The following SUFU variants were observed in gnomAD, a reference collection of about 807,000 sequenced individuals.
SUFU encodes suppressor of fused homolog.
SUFU carries 7 observed loss-of-function variants against 58.9 expected under a neutral mutation model. The observed-to-expected ratio is 0.12, with a 90% confidence interval of 0.07 to 0.22. SUFU has a LOEUF of 0.22. Among genes scored for constraint, SUFU ranks in the 10% least tolerant of loss-of-function variants. SUFU has a pLI of 1.00. For missense variants in SUFU, 451 were observed against 641.3 expected, an observed-to-expected ratio of 0.70 and a Z score of 3.20; for synonymous variants, 232 against 254.8, an observed-to-expected ratio of 0.91 and a Z score of 0.85.
At chr10:102,531,424 G>C (rs892243053) in intron 2 of SUFU, among the ~76,000 whole-genome samples, 2 of 152,178 alleles carry the variant, frequency 1.3e-5, no homozygotes, top group East Asian at 3.8e-4. Flanking sequence ...CCCAGCCTTT[G>C]TAGTCCCAAC....
intron 2 of SUFU, among the ~76,000 whole-genome samples, chr10:102,537,169 G>A (rs2062750220): frequency 8.9e-6 from 1 of 112,678 alleles, no homozygotes; most frequent in Admixed American, 1.2e-4. Flanking sequence ...GTCTTGCTCT[G>A]TCACTCAGGC....
Position 102,630,145 on chromosome 10 carries a change from C to T in SUFU, c.1445C>T (p.Pro482Leu), listed in dbSNP as rs765358771. ...CTGCCTGACGTGGTGTTCGACAGTC[C>T]GCTACACTAGCCTGGGCTGGGCCCT... The part of the protein sequence containing the change: ...SILPDVVFDS[P>L]LH Residue 482 changes from proline to leucine, a missense_variant, in exon 12 of 12, where the codon CCG (proline) becomes CTG (leucine). Physicochemically the swap from Pro to Leu is moderately conservative, Grantham distance 98. Coordinates refer to ENST00000369902, the MANE Select transcript of SUFU (RefSeq NM_016169.4). 162 of 1,614,122 alleles carry T rather than the reference C, an allele frequency of 1.0e-4. No homozygotes were observed. Among genetic ancestry groups the T allele is most frequent in the East Asian group, 8.5e-4 (38 of 44,876 alleles).
chr10:102,599,606 C>A, intron 8 of SUFU, 62 bp downstream of exon 8: 1 of 1,379,866 alleles, frequency 7.2e-7, no homozygotes, highest in South Asian at 1.2e-5. Context: ...AGGGCCTGTC[C>A]CTGTGGATTG....
intron 8 of SUFU, among the ~76,000 whole-genome samples, chr10:102,601,204 T>TATC (rs2063512396): frequency 6.6e-6 from 1 of 152,174 alleles, no homozygotes. Context: ...CCCGCTTGTG[T>TATC]ATCTGGAACA....
In SUFU at chr10:102,615,252, T is replaced by C. The variant is rs762717407; in HGVS notation, c.1023-16T>C. ...TTTCACCTTGTGCCGAACCTTTTCC[T>C]GTGCTTGCTTCACAGGAGCCGCAAA... On this transcript the variant is annotated splice_polypyrimidine_tract_variant and intron_variant, in intron 8 of 11. Transcript: ENST00000369902. The C allele has an allele frequency of 5.6e-6, 9 of 1,614,168 alleles. No homozygotes were observed. The South Asian group carries it at 6.6e-5, about 12-fold the overall frequency.
At chr10:102,508,310 A>G (rs1391295275) in intron 1 of SUFU, among the ~76,000 whole-genome samples, 2 of 152,172 alleles carry the variant, frequency 1.3e-5, no homozygotes, top group Non-Finnish European at 2.9e-5. Flanking sequence ...TGATTACTAA[A>G]GGGAACTCTT....
intron 3 of SUFU, among the ~76,000 whole-genome samples, chr10:102,586,341 T>A (rs1226498757): frequency 6.6e-6 from 1 of 152,216 alleles, no homozygotes; most frequent in Non-Finnish European, 1.5e-5. Flanking sequence ...ATATATGATT[T>A]GCAAATATTT....
intron 8 of SUFU, among the ~76,000 whole-genome samples, chr10:102,606,385 G>A (rs188696816): frequency 3.1e-4 from 47 of 152,324 alleles, no homozygotes; most frequent in Non-Finnish European, 5.9e-4. Flanking sequence ...GCTGGTCCTC[G>A]CGGCTGAGTG....
intron 3 of SUFU, among the ~76,000 whole-genome samples, chr10:102,587,589 T>G (rs1220726691): frequency 2.0e-5 from 3 of 152,176 alleles, no homozygotes; most frequent in African/African-American, 2.4e-5. Context: ...CCTCCCGGGT[T>G]CAAGCAATTC....
rs770060259 is a variant in SUFU, at chr10:102,625,569, G to C, written c.1297-1606G>C. 1.3e-5 allele frequency among the ~76,000 whole-genome samples: 2 copies of C among 152,084 alleles called. No individual in the cohort carries two copies. Among genetic ancestry groups the C allele is most frequent in the African/African-American group, 2.4e-5 (1 of 41,388 alleles). ...TCCTGGGGGTGAGAGTTCAGCATTC[G>C]GGAGCAGTACTCCAGGCACTAAATT... is the stretch of plus-strand genomic sequence containing the variant. On this transcript the variant is annotated intron_variant, in intron 10 of 11. Transcript: ENST00000369902. This position sits in a 1 kb window ranked among gnomAD's most constrained non-coding sequence, Gnocchi z 4.7.
At position 102,504,350 on chromosome 10, in the gene SUFU, C is replaced by G. The variant is rs2274351; in HGVS notation, c.182+16C>G. On this transcript the variant is annotated intron_variant, in intron 1 of 11. Transcript: ENST00000369902. ...TCAAGTACTGGTATGCTCTGGGCCG[C>G]GGGGAGACGGACAGGCGCGGGCTGG... 1 of 1,613,118 alleles carries G rather than the reference C, an allele frequency of 6.2e-7. No individual in the cohort carries two copies. Among genetic ancestry groups the G allele is most frequent in the Non-Finnish European group, 8.5e-7 (1 of 1,179,648 alleles).
At chr10:102,522,556 G>C (rs1208277952) in intron 2 of SUFU, among the ~76,000 whole-genome samples, 1 of 152,176 alleles carries the variant, frequency 6.6e-6, no homozygotes, top group African/African-American at 2.4e-5. Flanking sequence ...CAAATGCCTA[G>C]AGCTCCTTTT....
Position 102,627,261 on chromosome 10 carries a change from T to A in SUFU, c.1365+18T>A. The A allele has an allele frequency of 6.2e-7, 1 of 1,611,800 alleles. No individual in the cohort carries two copies. The highest frequency in any genetic ancestry group is 8.5e-7 in the Non-Finnish European group (1 of 1,177,844). Reference sequence around the variant, plus strand: ...CAGAGGAAGTAAGCTTGTTTGACTTTTCCTGACAACAGGTCCCGTCTCTGG... The same window carrying A: ...CAGAGGAAGTAAGCTTGTTTGACTTATCCTGACAACAGGTCCCGTCTCTGG... On this transcript the variant is annotated intron_variant, in intron 11 of 11. Transcript: ENST00000369902.
At chr10:102,513,205 T>C (rs2062423020) in intron 2 of SUFU, among the ~76,000 whole-genome samples, 2 of 152,220 alleles carry the variant, frequency 1.3e-5, no homozygotes, top group South Asian at 2.1e-4. Context: ...CATTTCGTAA[T>C]GGTGGGGCCT....
At chr10:102,506,039 GA>G (rs1170831161) in intron 1 of SUFU, among the ~76,000 whole-genome samples, 37,234 of 83,972 alleles carry the variant, frequency 0.44, 6,457 homozygotes, top group Admixed American at 0.47. Context: ...TCTGTTATTT[GA>G]AAAAAAAAAA....
intron 3 of SUFU, among the ~76,000 whole-genome samples, chr10:102,589,486 C>T (rs2063373438): frequency 9.8e-6 from 1 of 101,684 alleles, no homozygotes; most frequent in Non-Finnish European, 1.8e-5. Flanking sequence ...TACTCTGTCA[C>T]CCAGGCTGGA....
chr10:102,543,057 T>C (rs750951723), intron 2 of SUFU, among the ~76,000 whole-genome samples: 1 of 152,226 alleles, frequency 6.6e-6, no homozygotes, highest in Non-Finnish European at 1.5e-5. Flanking sequence ...TCCAGTATTT[T>C]GCAATTATAA....
At chr10:102,505,720 A>C (rs1337647838) in intron 1 of SUFU, among the ~76,000 whole-genome samples, 1 of 152,234 alleles carries the variant, frequency 6.6e-6, no homozygotes, top group African/African-American at 2.4e-5. Flanking sequence ...CCTCTGTCAG[A>C]GTAGACGGGA....
chr10:102,552,384 G>T (rs937758926), intron 3 of SUFU, among the ~76,000 whole-genome samples: 4 of 152,004 alleles, frequency 2.6e-5, no homozygotes, highest in African/African-American at 9.7e-5. Flanking sequence ...AGTGAGCCAT[G>T]ATTGTGCCAC....
Sources: allele counts gnomAD v4.1 joint callset (sites outside exome capture counted in the v4.1 genomes callset), GRCh38; gene constraint gnomAD v4.1.1; non-coding constraint Gnocchi (gnomAD v3.1); transcripts MANE v1.5; gene names NCBI Gene and HGNC (gene_info 2026-07-23, HGNC 2026-07-21).